Variants in PCNX2 observed in about 807,000 individuals in gnomAD.
PCNX2 encodes pecanex 2, also known as pecanex-like protein 2.
In PCNX2, 168 loss-of-function variants were observed where a neutral mutation model predicts 223.8. The observed-to-expected ratio is 0.75, with a 90% CI of 0.66 to 0.85. PCNX2 has a LOEUF of 0.85. PCNX2 is among the 40% of genes least tolerant of loss of function. The pLI is 0.00. For synonymous variants in PCNX2, 1,006 were observed against 1,052.6 expected, an observed-to-expected ratio of 0.96 and a Z score of 0.86; for missense variants, 2,507 against 2,675.5, an observed-to-expected ratio of 0.94 and a Z score of 1.39.
the PCNX2 span, among the ~76,000 whole-genome samples, chr1:233,322,651 G>C: frequency 6.6e-6 from 1 of 152,164 alleles, no homozygotes; most frequent in Non-Finnish European, 1.5e-5. Context: ...GATTCCTCTG[G>C]AACGTGATGA....
intron 15 of PCNX2, among the ~76,000 whole-genome samples, chr1:233,193,893 G>A (rs927338456): frequency 6.6e-6 from 1 of 152,010 alleles, no homozygotes; most frequent in African/African-American, 2.4e-5. Flanking sequence ...TGGAAAAAAA[G>A]ACTATAGCAT....
At position 233,258,819 on chromosome 1, in the gene PCNX2, T is replaced by G; in HGVS notation, c.1043A>C (p.Asp348Ala). 6.2e-7 allele frequency: 1 copy of G among 1,613,590 alleles called. No individual in the cohort carries two copies. The highest frequency in any genetic ancestry group is 8.5e-7 in the Non-Finnish European group (1 of 1,179,788). Residue 348 changes from aspartate (D) to alanine (A), a missense_variant, in exon 5 of 34, where the codon GAC becomes GCC. Around this residue, in one of 3 missense-constraint regions of PCNX2, gnomAD observed 1,031 missense variants for 1,021.7 expected, o/e 1.01. Transcript: ENST00000258229. ...AACAGCTACCTCACTATCTGAGGAG[T>G]CCACTTCCTGGTGCAAGGGCAGGTC... ...QGDLPLHQEV[D>A]SSDSEVAVTL...
At chr1:233,290,992 C>T (rs1661730257) in intron 1 of PCNX2, 1 of 985,316 alleles carries the variant, frequency 1.0e-6, no homozygotes, top group Non-Finnish European at 1.2e-6. Flanking sequence ...AACTCTTCCT[C>T]TCCAGTGGAG....
rs143832394 is a variant in PCNX2 at position 233,055,444 on chromosome 1, T to C, written c.4136-961A>G. Among the ~76,000 whole-genome samples the C allele has an allele frequency of 3.9e-3, 598 of 152,248 alleles. 3 individuals are homozygous for C. The highest frequency in any genetic ancestry group is 6.2e-3 in the Non-Finnish European group (422 of 68,008). ...GGTGCGTGTTGAGTGGGGGTGAAAT[T>C]AGGAGTGCGTAGTGCATTTCCTATA... On this transcript the variant is annotated intron_variant, in intron 24 of 33. Coordinates refer to ENST00000258229, the MANE Select transcript of PCNX2 (RefSeq NM_014801.4).
At chr1:233,193,106 AT>A (rs1680513413) in intron 15 of PCNX2, among the ~76,000 whole-genome samples, 1 of 147,990 alleles carries the variant, frequency 6.8e-6, no homozygotes, top group African/African-American at 2.4e-5. Context: ...TATAAATTAT[AT>A]TTTATAACTA....
chr1:233,232,804 C>T (rs980528317), intron 9 of PCNX2: 8 of 985,308 alleles, frequency 8.1e-6, no homozygotes, highest in Non-Finnish European at 9.6e-6. Flanking sequence ...CTTATCTTTG[C>T]AATTCTCACC....
intron 8 of PCNX2, among the ~76,000 whole-genome samples, chr1:233,243,598 A>T (rs1236691398): frequency 6.6e-6 from 1 of 152,228 alleles, no homozygotes; most frequent in Non-Finnish European, 1.5e-5. Context: ...TCATAAAAGC[A>T]CTAGAGGAAA....
Position 233,252,762 on chromosome 1 carries a change from C to T in PCNX2, c.1861G>A (p.Glu621Lys), listed in dbSNP as rs781497332. 3.1e-6 allele frequency: 5 copies of T among 1,611,420 alleles called. No homozygotes were observed. The highest frequency in any genetic ancestry group is 4.2e-6 in the Non-Finnish European group (5 of 1,179,450). The change falls in exon 6 of 34, where the codon GAA (glutamate) becomes AAA (lysine). Residue 621 changes from glutamate (E) to lysine (K), a missense_variant. Around this residue, in one of 3 missense-constraint regions of PCNX2, gnomAD observed 1,031 missense variants for 1,021.7 expected, o/e 1.01. Coordinates refer to ENST00000258229, the MANE Select transcript of PCNX2 (RefSeq NM_014801.4). ...CTGGGCTTTTCATTTTCCAGGATTT[C>T]CTCCTTTTTTTCCTGGGAACAGTTA... ...RDNCSQEKKE[E>K]ILENEKPSGH... is the part of the protein sequence containing the mutation.
At chr1:233,079,153 A>C (rs1185803656) in intron 23 of PCNX2, among the ~76,000 whole-genome samples, 1 of 152,102 alleles carries the variant, frequency 6.6e-6, no homozygotes, top group African/African-American at 2.4e-5. Context: ...GGATGCCAGC[A>C]CCTTCTCTGG....
intron 32 of PCNX2, among the ~76,000 whole-genome samples, chr1:232,994,771 T>C (rs538808713): frequency 3.2e-4 from 49 of 152,162 alleles, no homozygotes; most frequent in Non-Finnish European, 6.3e-4. Flanking sequence ...TGAGTTCTCA[T>C]GAGAGCTGGT....
chr1:233,157,713 G>A (rs1678210494), intron 19 of PCNX2, among the ~76,000 whole-genome samples: 1 of 152,186 alleles, frequency 6.6e-6, no homozygotes, highest in South Asian at 2.1e-4. Context: ...CCAGGAAGAA[G>A]AGGCAAGGAA....
chr1:233,098,481 A>G (rs1440385346), intron 21 of PCNX2, among the ~76,000 whole-genome samples: 2 of 152,128 alleles, frequency 1.3e-5, no homozygotes, highest in African/African-American at 2.4e-5. Flanking sequence ...AGCCCCAGGT[A>G]TCCTTGTTCT....
At chr1:233,200,356 A>AC in intron 13 of PCNX2, 92 bp from the exon 14 acceptor site, 1 of 325,610 alleles carries the variant, frequency 3.1e-6, no homozygotes, top group African/African-American at 3.5e-5. Context: ...CTTCCAAACC[A>AC]CCCCACCCAG....
At chr1:233,304,267 G>T in the PCNX2 span, among the ~76,000 whole-genome samples, 1 of 152,124 alleles carries the variant, frequency 6.6e-6, no homozygotes, top group Non-Finnish European at 1.5e-5. Context: ...ATTTTGTGTA[G>T]CAGTTAGAGG....
At chr1:233,207,796 C>T (rs901683674) in intron 13 of PCNX2, among the ~76,000 whole-genome samples, 2 of 152,060 alleles carry the variant, frequency 1.3e-5, no homozygotes, top group African/African-American at 4.8e-5. Context: ...ATATAAAATA[C>T]TGCCTAAACC....
chr1:233,219,064 T>C (rs573072486), intron 10 of PCNX2, among the ~76,000 whole-genome samples: 21 of 152,144 alleles, frequency 1.4e-4, no homozygotes, highest in African/African-American at 5.1e-4. Flanking sequence ...TGGGTGACTC[T>C]TGTATGGACT....
intron 28 of PCNX2, among the ~76,000 whole-genome samples, chr1:233,011,200 A>G (rs954467075): frequency 3.9e-5 from 6 of 152,366 alleles, no homozygotes; most frequent in Admixed American, 3.9e-4. Flanking sequence ...ACAATAATAT[A>G]TCATGACCAA....
At position 233,069,910 on chromosome 1, in the gene PCNX2, G is replaced by A. The variant is rs200131648; in HGVS notation, c.4077-12620C>T. On this transcript the variant is annotated intron_variant, in intron 23 of 33. Coordinates refer to ENST00000258229, the MANE Select transcript of PCNX2 (RefSeq NM_014801.4). ...AAATCAGTGAAATTGAAAAATAAAT[G>A]AGAAAATCAAAGAGCCAAAGAGCTG... 1.3e-4 allele frequency among the ~76,000 whole-genome samples: 20 copies of A among 152,116 alleles called. No homozygotes were observed. In the East Asian group the frequency reaches 2.5e-3, roughly 19 times the overall value.
At chr1:233,250,940 TA>T in intron 7 of PCNX2, 108 bp from the exon 8 acceptor site, 1 of 1,200,884 alleles carries the variant, frequency 8.3e-7, no homozygotes, top group South Asian at 1.7e-5. Flanking sequence ...TGGTCTGTTA[TA>T]ATAACTGTTG....
Sources: allele counts gnomAD v4.1 joint callset (sites outside exome capture counted in the v4.1 genomes callset), GRCh38; gene constraint gnomAD v4.1.1; regional missense constraint gnomAD v4.1.1; transcripts MANE v1.5; gene names NCBI Gene and HGNC (gene_info 2026-07-23, HGNC 2026-07-21).